The following ARHGAP15 variants were observed in gnomAD, a reference collection of about 807,000 sequenced individuals.
The protein encoded by ARHGAP15 is rho GTPase-activating protein 15.
In ARHGAP15, 51 loss-of-function variants were observed where a neutral mutation model predicts 63.7. The observed-to-expected ratio is 0.80, with a 90% CI of 0.64 to 1.01. The LOEUF (loss-of-function observed/expected upper bound fraction) is 1.01, where lower values mean the gene tolerates loss of function less well. ARHGAP15 is among the 50% of genes least tolerant of loss of function. ARHGAP15 has a pLI of 0.00. For synonymous variants in ARHGAP15, 191 were observed against 193.8 expected (o/e 0.99, Z 0.12); for missense variants, 560 against 564.6 (o/e 0.99, Z 0.08).
At chr2:143,405,991 C>CTT (rs1175698613) in intron 6 of ARHGAP15, among the ~76,000 whole-genome samples, 2 of 151,936 alleles carry the variant, frequency 1.3e-5, no homozygotes, top group Non-Finnish European at 2.9e-5. Flanking sequence ...ATCTTATCTA[C>CTT]TTGTAAATTC....
intron 10 of ARHGAP15, among the ~76,000 whole-genome samples, chr2:143,540,069 T>C (rs948655512): frequency 2.6e-5 from 4 of 152,220 alleles, no homozygotes; most frequent in Admixed American, 6.5e-5. Context: ...TGCTCCTGTA[T>C]TGGGTGCATA....
intron 6 of ARHGAP15, among the ~76,000 whole-genome samples, chr2:143,394,111 A>G (rs1460379868): frequency 6.6e-6 from 1 of 152,222 alleles, no homozygotes; most frequent in Non-Finnish European, 1.5e-5. Flanking sequence ...AGCCTACAAT[A>G]CATACAATGA....
chr2:143,458,927 T>C (rs1690787734), intron 8 of ARHGAP15, among the ~76,000 whole-genome samples: 1 of 152,188 alleles, frequency 6.6e-6, no homozygotes, highest in African/African-American at 2.4e-5. Flanking sequence ...TGTAGCTGTT[T>C]GGTACATGAT....
chr2:143,734,518 A>C (rs1266400944), intron 13 of ARHGAP15, among the ~76,000 whole-genome samples: 1 of 152,216 alleles, frequency 6.6e-6, no homozygotes, highest in Non-Finnish European at 1.5e-5. Context: ...GTGTTTTAAA[A>C]ATTCAACAAA....
intron 11 of ARHGAP15, among the ~76,000 whole-genome samples, chr2:143,580,454 G>A (rs1468741537): frequency 6.6e-6 from 1 of 152,080 alleles, no homozygotes; most frequent in Non-Finnish European, 1.5e-5. Flanking sequence ...AGAATGGTAT[G>A]TTTATTTCCA....
chr2:143,422,974 T>A (rs990389713), intron 6 of ARHGAP15, among the ~76,000 whole-genome samples: 25 of 152,082 alleles, frequency 1.6e-4, no homozygotes, highest in African/African-American at 5.6e-4. Context: ...TCAAGTCACT[T>A]TGGGTTATAG....
At chr2:143,559,516 T>G (rs1695939620) in intron 11 of ARHGAP15, among the ~76,000 whole-genome samples, 1 of 152,206 alleles carries the variant, frequency 6.6e-6, no homozygotes, top group Non-Finnish European at 1.5e-5. Context: ...ACTGGTAACT[T>G]TGTCCAAGTT....
intron 6 of ARHGAP15, among the ~76,000 whole-genome samples, chr2:143,388,181 A>G (rs973357935): frequency 2.0e-5 from 3 of 152,208 alleles, no homozygotes; most frequent in African/African-American, 7.2e-5. Flanking sequence ...TTTGTAATTA[A>G]TATACAAATA....
chr2:143,262,345 G>T (rs1394711754), intron 6 of ARHGAP15, among the ~76,000 whole-genome samples: 4 of 151,866 alleles, frequency 2.6e-5, no homozygotes, highest in Non-Finnish European at 5.9e-5. Flanking sequence ...AAATGTTTTT[G>T]TTTAAAAAAT....
At chr2:143,155,733 CT>C in intron 2 of ARHGAP15, 78 bp downstream of exon 2, 2 of 1,409,728 alleles carry the variant, frequency 1.4e-6, no homozygotes, top group South Asian at 1.5e-5. Flanking sequence ...GCTAATTAGT[CT>C]TGTTTTATTT....
chr2:143,213,171 A>G (rs1031225913), intron 3 of ARHGAP15, among the ~76,000 whole-genome samples: 3 of 152,196 alleles, frequency 2.0e-5, no homozygotes, highest in African/African-American at 7.2e-5. Flanking sequence ...AGTGTTATTA[A>G]TTAAAAATGT....
At chr2:143,519,490 G>T (rs1409038365) in intron 10 of ARHGAP15, 126 bp downstream of exon 10, 2 of 608,738 alleles carry the variant, frequency 3.3e-6, no homozygotes, top group East Asian at 3.2e-5. Flanking sequence ...TGTGTTAATC[G>T]GTTAAGAGGA....
intron 6 of ARHGAP15, among the ~76,000 whole-genome samples, chr2:143,256,534 T>C (rs1680436896): frequency 6.6e-6 from 1 of 152,118 alleles, no homozygotes; most frequent in Admixed American, 6.6e-5. Flanking sequence ...TTGAAAGCCC[T>C]ACCAAGCTGT....
At chr2:143,203,623 A>G (rs969294259) in intron 3 of ARHGAP15, among the ~76,000 whole-genome samples, 2 of 152,084 alleles carry the variant, frequency 1.3e-5, no homozygotes, top group African/African-American at 4.8e-5. Flanking sequence ...CCCTGAATCT[A>G]AATTTTTTAT....
intron 6 of ARHGAP15, among the ~76,000 whole-genome samples, chr2:143,252,955 G>T (rs1204343817): frequency 2.0e-5 from 3 of 152,058 alleles, no homozygotes; most frequent in Non-Finnish European, 2.9e-5. Context: ...GGACGTTGGA[G>T]TGTATGTGTG....
chr2:143,364,377 T>C (rs1473600969), intron 6 of ARHGAP15, among the ~76,000 whole-genome samples: 1 of 152,208 alleles, frequency 6.6e-6, no homozygotes, highest in African/African-American at 2.4e-5. Context: ...AGAAGTAGTT[T>C]AGGATTCATT....
At chr2:143,695,158 AG>A (rs1683786946) in intron 12 of ARHGAP15, among the ~76,000 whole-genome samples, 1 of 152,226 alleles carries the variant, frequency 6.6e-6, no homozygotes, top group Admixed American at 6.5e-5. Context: ...ATTAAAAAAA[AG>A]GTTGTAAAAC....
At chr2:143,548,948 A>G (rs1695445544) in intron 10 of ARHGAP15, among the ~76,000 whole-genome samples, 1 of 152,168 alleles carries the variant, frequency 6.6e-6, no homozygotes, top group Non-Finnish European at 1.5e-5. Flanking sequence ...GGAGAATTGA[A>G]AAATGCATAA....
At chr2:143,647,371 AAAAAAG>A (rs1479527137) in intron 12 of ARHGAP15, among the ~76,000 whole-genome samples, 3 of 151,682 alleles carry the variant, frequency 2.0e-5, no homozygotes, top group South Asian at 2.1e-4. Context: ...AAAAAAAAAA[AAAAAAG>A]AACATAAAAA....
Sources: gnomAD v4.1 joint callset for allele counts (sites outside exome capture counted in the v4.1 genomes callset) on GRCh38, gnomAD v4.1.1 for gene constraint, MANE v1.5 for transcripts, NCBI Gene and HGNC (gene_info 2026-07-23, HGNC 2026-07-21) for gene names.